The following CFAP53 variants were observed in gnomAD, a reference collection of about 807,000 sequenced individuals.
The protein encoded by CFAP53 is cilia- and flagella-associated protein 53.
CFAP53 carries 62 observed loss-of-function variants against 59.7 expected under a neutral mutation model. The ratio of observed to expected loss-of-function variants is 1.04; its 90% CI spans 0.85 to 1.28. The LOEUF is 1.28. Ranked by LOEUF, CFAP53 falls within the 50% of genes most tolerant of loss-of-function variation. The probability of loss-of-function intolerance (pLI) is 0.00; values close to 1 mark genes in which losing one functional copy is unlikely to be tolerated. For missense variants in CFAP53, 629 were observed against 615.6 expected (o/e 1.02, Z -0.23); for synonymous variants, 218 against 205.7 (o/e 1.06, Z -0.51).
intron 3 of CFAP53, among the ~76,000 whole-genome samples, chr18:50,260,282 G>A (rs1235891670): frequency 6.6e-6 from 1 of 152,178 alleles, no homozygotes; most frequent in East Asian, 1.9e-4. Flanking sequence ...GGGTCACCAT[G>A]GGTCTGGGTC....
At chr18:50,242,226 A>C (rs1478328754) in intron 6 of CFAP53, among the ~76,000 whole-genome samples, 1 of 152,162 alleles carries the variant, frequency 6.6e-6, no homozygotes, top group Non-Finnish European at 1.5e-5. Context: ...TCAAACACAC[A>C]TTTTACAAAC....
intron 7 of CFAP53, among the ~76,000 whole-genome samples, chr18:50,237,394 A>C (rs1192104453): frequency 8.5e-5 from 8 of 94,128 alleles, no homozygotes; most frequent in Non-Finnish European, 1.5e-4. Flanking sequence ...ATACACACAC[A>C]CACACACACA....
At chr18:50,260,653 C>T (rs951669990) in intron 3 of CFAP53, among the ~76,000 whole-genome samples, 23 of 151,968 alleles carry the variant, frequency 1.5e-4, no homozygotes, top group African/African-American at 5.6e-4. Context: ...CAGAGCAAGA[C>T]CCTGTCTCAA....
rs754886740 is a variant in CFAP53 at position 50,250,968 on chromosome 18, G to A, written c.786C>T (p.Asn262=). The change falls in exon 5 of 8, where the codon AAC becomes AAT. Residue 262 remains asparagine, a synonymous_variant. Transcript: ENST00000398545. ...CATTCTCATGTTTAATCTGTGCGTT[G>A]TTACTTTCCTAAGGTAGAATCATAA... ...KEEEARLVES[N]NAQIKHENEQ... 6 of 1,613,442 alleles carry A rather than the reference G, an allele frequency of 3.7e-6. No individual in the cohort carries two copies. In the South Asian group the frequency reaches 6.6e-5, roughly 18 times the overall value.
At chr18:50,239,186 G>C (rs183364417) in intron 6 of CFAP53, among the ~76,000 whole-genome samples, 2 of 151,622 alleles carry the variant, frequency 1.3e-5, no homozygotes, top group South Asian at 2.1e-4. Context: ...TCAGGAGTTC[G>C]AGACCAGCCC....
Position 50,250,759 on chromosome 18 carries a change from CTTTT to C in CFAP53, c.991_994del (p.Lys331GlufsTer4), listed in dbSNP as rs769199660. 6.2e-7 allele frequency: 1 copy of C among 1,613,120 alleles called. No homozygotes were observed. ...GCAGGCACCAAAAAAATGTCTTACT[CTTTT>C]TTGTTTCTTTTTATCTGCCTCTTCC... is the stretch of plus-strand genomic sequence containing the variant. On this transcript the variant is annotated frameshift_variant and splice_region_variant, in exon 5 of 8. Coordinates refer to ENST00000398545, the MANE Select transcript of CFAP53 (RefSeq NM_145020.5). LOFTEE classifies it high-confidence loss of function.
At chr18:50,240,199 T>C (rs890758691) in intron 6 of CFAP53, among the ~76,000 whole-genome samples, 1 of 151,582 alleles carries the variant, frequency 6.6e-6, no homozygotes, top group African/African-American at 2.4e-5. Flanking sequence ...TCATTCAGAT[T>C]ACCTGCTCCA....
chr18:50,236,847 T>C (rs2033638827), intron 7 of CFAP53, among the ~76,000 whole-genome samples: 1 of 152,122 alleles, frequency 6.6e-6, no homozygotes, highest in African/African-American at 2.4e-5. Flanking sequence ...TAATCATAAA[T>C]TGCTTTAAAC....
At chr18:50,247,097 C>G (rs1157691098) in intron 5 of CFAP53, among the ~76,000 whole-genome samples, 3 of 150,540 alleles carry the variant, frequency 2.0e-5, no homozygotes, top group Non-Finnish European at 4.4e-5. Flanking sequence ...AATAACCCAA[C>G]TAAAATATGG....
At chr18:50,229,733 TC>T (rs1212151260) in intron 7 of CFAP53, among the ~76,000 whole-genome samples, 6 of 27,814 alleles carry the variant, frequency 2.2e-4, no homozygotes, top group Non-Finnish European at 3.6e-4. Context: ...TTTCTTTTTT[TC>T]TTTTTCTTTT....
intron 5 of CFAP53, among the ~76,000 whole-genome samples, chr18:50,246,747 A>G (rs2144416767): frequency 6.6e-6 from 1 of 152,290 alleles, no homozygotes; most frequent in African/African-American, 2.4e-5. Flanking sequence ...TGAATCTAGA[A>G]AATATAAAGA....
chr18:50,248,129 T>TAAAAAAAA (rs60474914), intron 5 of CFAP53, among the ~76,000 whole-genome samples: 7 of 134,922 alleles, frequency 5.2e-5, no homozygotes, highest in Admixed American at 1.5e-4. Flanking sequence ...CAACAAAAAT[T>TAAAAAAAA]AAAAAAAAAA....
chr18:50,246,521 A>G (rs1040809449), intron 5 of CFAP53, among the ~76,000 whole-genome samples: 2 of 152,222 alleles, frequency 1.3e-5, no homozygotes, highest in African/African-American at 2.4e-5. Context: ...TAACACTCTA[A>G]CAAGAAAACA....
intron 5 of CFAP53, among the ~76,000 whole-genome samples, chr18:50,245,559 G>C (rs1273674709): frequency 6.6e-6 from 1 of 152,160 alleles, no homozygotes; most frequent in African/African-American, 2.4e-5. Flanking sequence ...AACAAAGTAA[G>C]TGTTAAAATG....
rs754069107 is a variant in CFAP53, at chr18:50,266,411, GT to G, written c.-8del. 7.4e-6 allele frequency: 12 copies of G among 1,614,096 alleles called. No homozygotes were observed. Among genetic ancestry groups the G allele is most frequent in the African/African-American group, 4.0e-5 (3 of 74,952 alleles). ...CAAACCGCTGGCTGTACATTTTCGA[GT>G]CCCCTTCGGGACGGGGGCGGCGTCC... On this transcript the variant is annotated 5_prime_UTR_variant, in exon 1 of 8. Coordinates refer to ENST00000398545, the MANE Select transcript of CFAP53 (RefSeq NM_145020.5).
chr18:50,249,203 CAAAAAAAAAAA>C (rs34676585), intron 5 of CFAP53, among the ~76,000 whole-genome samples: 2 of 105,140 alleles, frequency 1.9e-5, no homozygotes, highest in African/African-American at 3.8e-5. Context: ...AATTCTATCT[CAAAAAAAAAAA>C]AAAAAAAAAG....
At chr18:50,235,288 G>A (rs1200670961) in intron 7 of CFAP53, among the ~76,000 whole-genome samples, 1 of 152,188 alleles carries the variant, frequency 6.6e-6, no homozygotes, top group African/African-American at 2.4e-5. Flanking sequence ...CATATTGGCT[G>A]GGTGCGGTGG....
intron 3 of CFAP53, among the ~76,000 whole-genome samples, chr18:50,259,146 A>G (rs1203312036): frequency 2.0e-5 from 3 of 152,214 alleles, no homozygotes; most frequent in South Asian, 2.1e-4. Flanking sequence ...GAGATAGCTA[A>G]ACTCCTATGT....
chr18:50,240,849 C>T (rs2033683986), intron 6 of CFAP53, among the ~76,000 whole-genome samples: 1 of 152,106 alleles, frequency 6.6e-6, no homozygotes, highest in Non-Finnish European at 1.5e-5. Context: ...CCAATGGTAC[C>T]CTAACAAGAA....
Sources: gnomAD v4.1 joint callset for allele counts (sites outside exome capture counted in the v4.1 genomes callset) on GRCh38, gnomAD v4.1.1 for gene constraint, MANE v1.5 for transcripts, NCBI Gene and HGNC (gene_info 2026-07-23, HGNC 2026-07-21) for gene names.